Variants in SPEG observed in about 807,000 individuals in gnomAD.
SPEG encodes striated muscle preferentially expressed protein kinase.
A neutral mutation model predicts 300.4 loss-of-function variants in SPEG; 114 were observed. That is an observed-to-expected ratio of 0.38 (90% CI 0.33 to 0.44). The LOEUF is 0.44. Among genes scored for constraint, SPEG ranks in the 20% least tolerant of loss-of-function variants. The pLI, the probability that SPEG is intolerant of heterozygous loss-of-function variation, is 1.00. For missense variants in SPEG, 4,201 were observed against 4,586.2 expected, an observed-to-expected ratio of 0.92 and a Z score of 2.43; for synonymous variants, 1,964 against 2,018.9, an observed-to-expected ratio of 0.97 and a Z score of 0.73.
Position 219,468,650 on chromosome 2 carries a change from A to G in SPEG, c.3215A>G (p.Asp1072Gly). The G allele has an allele frequency of 6.2e-7, 1 of 1,614,044 alleles. No homozygotes were observed. The highest frequency in any genetic ancestry group is 8.5e-7 in the Non-Finnish European group (1 of 1,179,990). ...LAPLFTRLLE[D>G]VEVLEGRAAR... ...CCCCTGTTCACACGGCTGCTGGAAG[A>G]TGTGGAGGTGTTGGAGGGCCGAGCT... The change falls in exon 11 of 41, where the codon GAT (aspartate) becomes GGT (glycine). Residue 1072 changes from aspartate (D) to glycine (G), a missense_variant. Physicochemically the swap from Asp to Gly is moderately conservative, Grantham distance 94. Transcript: ENST00000312358.
Position 219,435,309 on chromosome 2 carries a change from A to C in SPEG, c.332A>C (p.Gln111Pro). 6.5e-7 allele frequency: 1 copy of C among 1,533,772 alleles called. No homozygotes were observed. Among genetic ancestry groups the C allele is most frequent in the African/African-American group, 1.4e-5 (1 of 72,352 alleles). The change falls in exon 1 of 41, where the codon CAG becomes CCG. Residue 111 changes from glutamine (Q) to proline (P), a missense_variant. Gln to Pro is a moderately conservative substitution (Grantham distance 76). This residue lies in a region of SPEG where 1,258 missense variants were observed against 1,293.9 expected (regional missense o/e 0.97). Transcript: ENST00000312358. ...QDAGVYSCMA[Q>P]NERGRASCEA... ...GCCGGCGTGTACAGCTGCATGGCCC[A>C]GAACGAGCGGGGCCGGGCCTCCTGC...
In SPEG at chr2:219,490,943, G is replaced by T; in HGVS notation, c.9372G>T (p.Thr3124=). Residue 3124 remains threonine, a synonymous_variant, in exon 38 of 41, where the codon ACG becomes ACT. Coordinates refer to ENST00000312358, the MANE Select transcript of SPEG (RefSeq NM_005876.5). ...ALRPLGHRTG[T]LEFMAPEMVK... is the part of the protein sequence containing the mutation. ...GGCCCCTTGGCCACCGCACGGGCACGCTGGAGTTCATGGGTGAGGGGACCA... is the reference window on the plus strand; with the variant it reads ...GGCCCCTTGGCCACCGCACGGGCACTCTGGAGTTCATGGGTGAGGGGACCA... 1.9e-6 allele frequency: 3 copies of T among 1,612,412 alleles called. No individual in the cohort carries two copies. Among genetic ancestry groups the T allele is most frequent in the Non-Finnish European group, 2.5e-6 (3 of 1,179,450 alleles).
At chr2:219,474,589 A>C (rs947097471) in intron 18 of SPEG, among the ~76,000 whole-genome samples, 5 of 152,146 alleles carry the variant, frequency 3.3e-5, no homozygotes, top group African/African-American at 9.7e-5. Flanking sequence ...AGCTGGGTTC[A>C]AGTGTGGCTG....
In SPEG at chr2:219,485,023, T is replaced by C; in HGVS notation, c.7560T>C (p.Pro2520=). 6.5e-7 allele frequency: 1 copy of C among 1,531,976 alleles called. No individual in the cohort carries two copies. The highest frequency in any genetic ancestry group is 1.2e-5 in the South Asian group (1 of 83,846). The allele number at this position is 1,531,976 out of a possible 1,614,324, so 94.9% of individuals were successfully genotyped here. The part of the protein sequence containing the change: ...QLAAQAGATT[P]SAESLGSEAS... The stretch of plus-strand genomic sequence containing the variant: ...CCGCCCAGGCCGGCGCCACCACGCC[T>C]TCCGCCGAGTCCCTGGGCTCCGAGG... Residue 2520 remains proline, a synonymous_variant, in exon 30 of 41, where the codon CCT becomes CCC. Transcript: ENST00000312358.
At chr2:219,466,819 G>A in intron 9 of SPEG, 1 of 1,057,526 alleles carries the variant, frequency 9.5e-7, no homozygotes, top group African/African-American at 1.7e-5. Context: ...GAGAAATTTG[G>A]AAACACCTAT....
chr2:219,491,961 C>T (rs922016085), intron 39 of SPEG, 92 bp downstream of exon 39: 1 of 1,363,774 alleles, frequency 7.3e-7, no homozygotes, highest in South Asian at 1.4e-5. Context: ...CCGTGCCCCA[C>T]CTCCCCTGTA....
chr2:219,493,030 G>A lies in SPEG; in HGVS notation c.*244G>A. Reference sequence around the variant, plus strand: ...GTCAGGCTCAGCAGGGTGGGAACAGGCAGAGGGACAAGAGGGGAATGGAGA... The same window carrying A: ...GTCAGGCTCAGCAGGGTGGGAACAGACAGAGGGACAAGAGGGGAATGGAGA... On this transcript the variant is annotated 3_prime_UTR_variant, in exon 41 of 41. Coordinates refer to ENST00000312358, the MANE Select transcript of SPEG (RefSeq NM_005876.5). 1 of 697,166 alleles carries A rather than the reference G, an allele frequency of 1.4e-6. No individual in the cohort carries two copies. The highest frequency in any genetic ancestry group is 2.6e-6 in the Non-Finnish European group (1 of 381,916). The allele number at this position is 697,166 out of a possible 1,614,324, so 43.2% of individuals were successfully genotyped here. A position where few individuals can be genotyped will look rare whatever the true frequency, so the allele number is the denominator to read the frequency against.
chr2:219,489,847 G>A lies in SPEG; in HGVS notation c.8829G>A (p.Gly2943=), dbSNP rs748897982. 5.0e-6 allele frequency: 8 copies of A among 1,612,912 alleles called. No individual in the cohort carries two copies. The East Asian group carries it at 1.8e-4, about 36-fold the overall frequency. The stretch of plus-strand genomic sequence containing the variant: ...CCAAGGAGGTGGTCAGCTCCCCTGG[G>A]AGCAGTCCCCGAAGCTCTCCCAGGC... ...SPAKEVVSSP[G]SSPRSSPRPE... is the part of the protein sequence containing the mutation. Residue 2943 remains glycine (G), a synonymous_variant, in exon 36 of 41, where the codon GGG becomes GGA. Coordinates refer to ENST00000312358, the MANE Select transcript of SPEG (RefSeq NM_005876.5).
In SPEG at chr2:219,449,128, TGGA is replaced by T. The variant is rs759437394; in HGVS notation, c.1972_1974del (p.Glu658del). 8.9e-6 allele frequency: 13 copies of T among 1,453,182 alleles called. No homozygotes were observed. The highest frequency in any genetic ancestry group is 1.2e-5 in the Non-Finnish European group (13 of 1,105,008). The allele number at this position is 1,453,182 out of a possible 1,614,324, so 90.0% of individuals were successfully genotyped here. On this transcript the variant is annotated inframe_deletion, in exon 4 of 41. Transcript: ENST00000312358. ...GAGGGCGCTGCTGTACCCCAGACCT[TGGA>T]GAAGAACAGGGCGGGGCCTGAGGCA...
intron 1 of SPEG, chr2:219,441,631 A>T (rs1272297295): frequency 4.3e-6 from 2 of 468,700 alleles, no homozygotes; most frequent in African/African-American, 4.0e-5. Context: ...GCTGCCAGAA[A>T]GTGGCCTGAG....
At position 219,451,452 on chromosome 2, in the gene SPEG, C is replaced by G. The variant is rs770262716; in HGVS notation, c.2257+173C>G. ...TGTTCAGGGACATTTCTCAGGACCC[C>G]CGAGAGAAGGGAGGGCAACCTGAGC... On this transcript the variant is annotated intron_variant, in intron 5 of 40. Coordinates refer to ENST00000312358, the MANE Select transcript of SPEG (RefSeq NM_005876.5). The surrounding 1 kb of genome is among the most constrained non-coding windows in gnomAD (Gnocchi z 6.4). Among the ~76,000 whole-genome samples, 28 of 151,996 alleles carry G rather than the reference C, an allele frequency of 1.8e-4. No individual in the cohort carries two copies. The highest frequency in any genetic ancestry group is 3.2e-4 in the Non-Finnish European group (22 of 67,976).
chr2:219,437,731 T>C (rs1270341637), intron 1 of SPEG, among the ~76,000 whole-genome samples: 2 of 152,124 alleles, frequency 1.3e-5, no homozygotes, highest in African/African-American at 2.4e-5. Flanking sequence ...GCTTTGGTGA[T>C]GCTGGGGGAC....
intron 11 of SPEG, 30 bp downstream of exon 11, chr2:219,468,766 G>C (rs200677774): frequency 1.2e-6 from 2 of 1,611,922 alleles, no homozygotes; most frequent in South Asian, 1.1e-5. Flanking sequence ...GGTGTTGAGG[G>C]CCCCCCCAAG....
At position 219,469,354 on chromosome 2, in the gene SPEG, C is replaced by T; in HGVS notation, c.3690C>T (p.Ser1230=). 6.2e-7 allele frequency: 1 copy of T among 1,613,736 alleles called. No individual in the cohort carries two copies. The highest frequency in any genetic ancestry group is 8.5e-7 in the Non-Finnish European group (1 of 1,179,902). ...TCCACAATGGCCACCGCATCCAGAG[C>T]AGCGACGACCGGCGCATGACACAGT... ...SWFHNGHRIQ[S]SDDRRMTQYR... is the part of the protein sequence containing the mutation. Residue 1230 remains serine, a synonymous_variant, in exon 13 of 41, where the codon AGC becomes AGT. Transcript: ENST00000312358.
intron 35 of SPEG, 54 bp from the exon 36 acceptor site, chr2:219,489,282 A>C: frequency 6.2e-7 from 1 of 1,613,114 alleles, no homozygotes; most frequent in Non-Finnish European, 8.5e-7. Context: ...GTTCTTGTGG[A>C]GCACCATGGC....
chr2:219,490,842 C>G lies in SPEG; in HGVS notation c.9271C>G (p.Leu3091Val). 1 of 1,614,086 alleles carries G rather than the reference C, an allele frequency of 6.2e-7. No homozygotes were observed. Among genetic ancestry groups the G allele is most frequent in the Non-Finnish European group, 8.5e-7 (1 of 1,180,038 alleles). ...VLHLDIKPDN[L>V]LLAPDNALKI... Reference sequence around the variant, plus strand: ...CCACCTAGACATCAAGCCAGACAACCTGCTGCTGGCCCCTGACAATGCCCT... The same window carrying G: ...CCACCTAGACATCAAGCCAGACAACGTGCTGCTGGCCCCTGACAATGCCCT... The change falls in exon 38 of 41, where the codon CTG (leucine) becomes GTG (valine). Residue 3091 changes from leucine to valine, a missense_variant. Coordinates refer to ENST00000312358, the MANE Select transcript of SPEG (RefSeq NM_005876.5).
Position 219,483,482 on chromosome 2 carries a change from C to T in SPEG, c.6019C>T (p.Arg2007Trp). The change falls in exon 30 of 41, where the codon CGG becomes TGG. Residue 2007 changes from arginine to tryptophan, a missense_variant. Physicochemically the swap from Arg to Trp is moderately radical, Grantham distance 101. Around this residue, in one of 4 missense-constraint regions of SPEG, gnomAD observed 1,578 missense variants for 1,506.0 expected, o/e 1.05. Coordinates refer to ENST00000312358, the MANE Select transcript of SPEG (RefSeq NM_005876.5). ...GCCCGCAGCTGGGGCTAGCCCCAGGCGGGGAGAGCTCCGCAGGGGCAGCTC... is the reference window on the plus strand; with the variant it reads ...GCCCGCAGCTGGGGCTAGCCCCAGGTGGGGAGAGCTCCGCAGGGGCAGCTC... ...QEPAAGASPR[R>W]GELRRGSSAE... The T allele has an allele frequency of 6.9e-7, 1 of 1,453,884 alleles. No individual in the cohort carries two copies. Among genetic ancestry groups the T allele is most frequent in the East Asian group, 2.6e-5 (1 of 38,456 alleles). 90.1% of individuals were successfully genotyped at this position (1,453,884 alleles called of 1,614,324 possible).
At chr2:219,449,579 T>A (rs1277327602) in intron 4 of SPEG, among the ~76,000 whole-genome samples, 1 of 152,108 alleles carries the variant, frequency 6.6e-6, no homozygotes, top group Admixed American at 6.5e-5. Flanking sequence ...CTGGGTCCAG[T>A]GGCCTGCTAG....
rs760867760 is a variant in SPEG at position 219,468,563 on chromosome 2, C to T, written c.3143-15C>T. On this transcript the variant is annotated splice_polypyrimidine_tract_variant and intron_variant, in intron 10 of 40. Transcript: ENST00000312358. ...CTTAGCCTTCCCTATCTCTGAGCTG[C>T]CCCCTGCCCCACAGATGAGCTGACC... 34 of 1,608,478 alleles carry T rather than the reference C, an allele frequency of 2.1e-5. No individual in the cohort carries two copies. The highest frequency in any genetic ancestry group is 2.9e-5 in the Non-Finnish European group (34 of 1,178,408).
Sources: allele counts gnomAD v4.1 joint callset (sites outside exome capture counted in the v4.1 genomes callset), GRCh38; gene constraint gnomAD v4.1.1; regional missense constraint gnomAD v4.1.1; non-coding constraint Gnocchi (gnomAD v3.1); transcripts MANE v1.5; gene names NCBI Gene and HGNC (gene_info 2026-07-23, HGNC 2026-07-21).